Variants in ERCC4 observed in about 807,000 individuals in gnomAD.
ERCC4 encodes ERCC excision repair 4, endonuclease catalytic subunit.
ERCC4 carries 65 observed loss-of-function variants against 76.9 expected under a neutral mutation model. The ratio of observed to expected loss-of-function variants is 0.84; its 90% CI spans 0.69 to 1.04. ERCC4 has a LOEUF of 1.04. Ranked by LOEUF, ERCC4 falls within the 50% of genes least tolerant of loss-of-function variation. The probability of loss-of-function intolerance (pLI) is 0.00; values close to 1 mark genes in which losing one functional copy is unlikely to be tolerated. For missense variants in ERCC4, 1,214 were observed against 1,128.2 expected (o/e 1.08, Z -1.09); for synonymous variants, 463 against 410.1 (o/e 1.13, Z -1.56).
chr16:13,936,453 A>C (rs1567248686), intron 8 of ERCC4, among the ~76,000 whole-genome samples: 1 of 152,224 alleles, frequency 6.6e-6, no homozygotes, highest in Admixed American at 6.5e-5. Context: ...CAGGATGAAG[A>C]GATTAGATGA....
intron 9 of ERCC4, among the ~76,000 whole-genome samples, chr16:13,939,282 G>C (rs2032367062): frequency 6.6e-6 from 1 of 152,152 alleles, no homozygotes; most frequent in African/African-American, 2.4e-5. Context: ...GCCAGGCCCT[G>C]TGCTAATATT....
Position 13,930,737 on chromosome 16 carries a change from T to G in ERCC4, c.820T>G (p.Trp274Gly). 6.2e-7 allele frequency: 1 copy of G among 1,614,022 alleles called. No homozygotes were observed. Among genetic ancestry groups the G allele is most frequent in the Non-Finnish European group, 8.5e-7 (1 of 1,179,872 alleles). ...KTIRHYLDPLWHQLGAKTKSL... is the reference protein window; with the variant it reads ...KTIRHYLDPLGHQLGAKTKSL... ...AATCCGCCATTATCTGGATCCTTTG[T>G]GGCACCAGCTTGGAGCCAAGACTAA... is the stretch of plus-strand genomic sequence containing the variant. The change falls in exon 5 of 11, where the codon TGG (tryptophan) becomes GGG (glycine). Residue 274 changes from tryptophan to glycine, a missense_variant. Physicochemically the swap from Trp to Gly is radical, Grantham distance 184 (BLOSUM62 -2). Transcript: ENST00000311895.
chr16:13,948,024 G>A lies in ERCC4; in HGVS notation c.2428G>A (p.Ala810Thr), dbSNP rs1326237288. 2 of 1,614,086 alleles carry A rather than the reference G, an allele frequency of 1.2e-6. No individual in the cohort carries two copies. The highest frequency in any genetic ancestry group is 1.7e-6 in the Non-Finnish European group (2 of 1,180,002). Reference sequence around the variant, plus strand: ...CTGGTGCCCCTCTCCTCATGCAACGGCGGAGTTGTTTGAGGAGCTGAAACA... The same window carrying A: ...CTGGTGCCCCTCTCCTCATGCAACGACGGAGTTGTTTGAGGAGCTGAAACA... Reference protein sequence around the residue: ...ILWCPSPHATAELFEELKQSK... With the variant: ...ILWCPSPHATTELFEELKQSK... The change falls in exon 11 of 11, where the codon GCG (alanine) becomes ACG (threonine). Residue 810 changes from alanine to threonine, a missense_variant. Ala to Thr is a moderately conservative substitution (Grantham distance 58). Transcript: ENST00000311895.
rs1485701920 is a variant in ERCC4, at chr16:13,928,366, CAT to C, written c.792+133_792+134del. On this transcript the variant is annotated intron_variant, in intron 4 of 10. Coordinates refer to ENST00000311895, the MANE Select transcript of ERCC4 (RefSeq NM_005236.3). ...AATAAAATTGGAGGTCACTTAAAAA[CAT>C]AGCTTCTTTGGTTTACTGGAAAGTA... is the stretch of plus-strand genomic sequence containing the variant. The C allele has an allele frequency of 5.9e-6, 4 of 677,826 alleles. No homozygotes were observed. In the East Asian group the frequency reaches 1.1e-4, roughly 19 times the overall value. 42.0% of individuals were successfully genotyped at this position (677,826 alleles called of 1,614,324 possible). A position where few individuals can be genotyped will look rare whatever the true frequency, so the allele number is the denominator to read the frequency against.
intron 9 of ERCC4, chr16:13,944,123 A>G (rs1301712948): frequency 6.4e-6 from 1 of 156,722 alleles, no homozygotes; most frequent in Non-Finnish European, 1.4e-5. Flanking sequence ...CTCCCAAGGC[A>G]TAACCTGAGC....
intron 9 of ERCC4, among the ~76,000 whole-genome samples, chr16:13,940,321 G>A (rs935880882): frequency 4.6e-5 from 7 of 151,864 alleles, no homozygotes; most frequent in Non-Finnish European, 7.4e-5. Context: ...CCAGGAGGTG[G>A]AGGTTGCAGT....
intron 9 of ERCC4, among the ~76,000 whole-genome samples, chr16:13,939,785 T>C (rs1377681424): frequency 6.6e-6 from 1 of 152,136 alleles, no homozygotes; most frequent in African/African-American, 2.4e-5. Context: ...ATTAGGTTAA[T>C]GGAGGAAAGA....
chr16:13,920,903 C>A (rs2031960940), intron 1 of ERCC4, among the ~76,000 whole-genome samples: 1 of 151,934 alleles, frequency 6.6e-6, no homozygotes, highest in Non-Finnish European at 1.5e-5. Flanking sequence ...GGGAGGGGTC[C>A]CCAGAAGGAT....
At position 13,937,640 on chromosome 16, in the gene ERCC4, C is replaced by G. The variant is rs555130726; in HGVS notation, c.1812-126C>G. On this transcript the variant is annotated intron_variant, in intron 8 of 10. Coordinates refer to ENST00000311895, the MANE Select transcript of ERCC4 (RefSeq NM_005236.3). ...TGAGCTAGTGTGTGATAAATGAAAC[C>G]TTTGATTCTTAGTCAAATATTTGTT... 1,536 of 720,670 alleles carry G rather than the reference C, an allele frequency of 2.1e-3. 1 individual carries two copies. The highest frequency in any genetic ancestry group is 2.6e-3 in the Non-Finnish European group (1,030 of 394,390). 44.6% of individuals were successfully genotyped at this position (720,670 alleles called of 1,614,324 possible).
At position 13,952,340 on chromosome 16, in the gene ERCC4, T is replaced by C. The variant is rs530337169; in HGVS notation, c.*3993T>C. 2.2e-5 allele frequency: 4 copies of C among 180,796 alleles called. No individual in the cohort carries two copies. Among genetic ancestry groups the C allele is most frequent in the Middle Eastern group, 2.1e-3 (1 of 478 alleles). 11.2% of individuals were successfully genotyped at this position (180,796 alleles called of 1,614,324 possible). A position where few individuals can be genotyped will look rare whatever the true frequency, so the allele number is the denominator to read the frequency against. On this transcript the variant is annotated 3_prime_UTR_variant, in exon 11 of 11. Coordinates refer to ENST00000311895, the MANE Select transcript of ERCC4 (RefSeq NM_005236.3). ...GAATAAACAAGGCAGAAATGCTCTT[T>C]GAACCACTGCTTTTGCTGTTTAATT... is the stretch of plus-strand genomic sequence containing the variant.
chr16:13,947,392 C>T (rs2032534511), intron 10 of ERCC4, among the ~76,000 whole-genome samples: 1 of 152,234 alleles, frequency 6.6e-6, no homozygotes, highest in Non-Finnish European at 1.5e-5. Context: ...TAAGGAACTA[C>T]TGACAGTCTA....
At chr16:13,943,525 A>G (rs994223245) in intron 9 of ERCC4, among the ~76,000 whole-genome samples, 1 of 152,208 alleles carries the variant, frequency 6.6e-6, no homozygotes, top group Non-Finnish European at 1.5e-5. Context: ...CCATGACTCA[A>G]TCACTTCCCA....
intron 3 of ERCC4, 199 bp from the exon 4 acceptor site, chr16:13,927,829 C>T (rs1350185077): frequency 5.4e-6 from 3 of 560,744 alleles, no homozygotes; most frequent in Non-Finnish European, 9.6e-6. Flanking sequence ...TGACCCTTTC[C>T]TTATCTGAAT....
chr16:13,935,085 C>T (rs1202923864), intron 7 of ERCC4, 61 bp from the exon 8 acceptor site: 30 of 1,244,504 alleles, frequency 2.4e-5, no homozygotes, highest in Non-Finnish European at 3.6e-5. Context: ...AATAAGGGGG[C>T]ACAGGGAAAC....
In ERCC4 at chr16:13,952,221, T is replaced by G. The variant is rs2141625680; in HGVS notation, c.*3874T>G. 1 of 187,844 alleles carries G rather than the reference T, an allele frequency of 5.3e-6. No homozygotes were observed. Among genetic ancestry groups the G allele is most frequent in the African/African-American group, 2.3e-5 (1 of 42,880 alleles). The allele number at this position is 187,844 out of a possible 1,614,324, so 11.6% of individuals were successfully genotyped here. A position where few individuals can be genotyped will look rare whatever the true frequency, so the allele number is the denominator to read the frequency against. On this transcript the variant is annotated 3_prime_UTR_variant, in exon 11 of 11. Transcript: ENST00000311895. The stretch of plus-strand genomic sequence containing the variant: ...TTTCCTCAGTATTTTATGGGCAAAG[T>G]AAAAATAACAATGCATAGTGAAAGG...
chr16:13,932,432 T>C, intron 6 of ERCC4, 147 bp downstream of exon 6: 1 of 712,976 alleles, frequency 1.4e-6, no homozygotes, highest in East Asian at 2.6e-5. Context: ...ATGTAACATG[T>C]AATGTATGTT....
chr16:13,944,619 C>T, intron 9 of ERCC4, 104 bp from the exon 10 acceptor site: 1 of 774,236 alleles, frequency 1.3e-6, no homozygotes, highest in Non-Finnish European at 2.3e-6. Flanking sequence ...TTTTCTCTTA[C>T]TGCTATCATC....
intron 2 of ERCC4, among the ~76,000 whole-genome samples, chr16:13,926,118 TA>T (rs932949437): frequency 5.6e-4 from 82 of 146,826 alleles, no homozygotes; most frequent in Admixed American, 1.0e-3. Flanking sequence ...ATTCATACAT[TA>T]AAAAAAAAAA....
At chr16:13,939,074 G>C (rs145701998) in intron 9 of ERCC4, among the ~76,000 whole-genome samples, 1 of 152,276 alleles carries the variant, frequency 6.6e-6, no homozygotes, top group Non-Finnish European at 1.5e-5. Flanking sequence ...TGCTCTATGG[G>C]ATTGTTTATG....
Sources: gnomAD v4.1 joint callset for allele counts (sites outside exome capture counted in the v4.1 genomes callset) on GRCh38, gnomAD v4.1.1 for gene constraint, MANE v1.5 for transcripts, NCBI Gene and HGNC (gene_info 2026-07-23, HGNC 2026-07-21) for gene names.